Variants in ERICH2 observed in about 807,000 individuals in gnomAD.
The protein encoded by ERICH2 is glutamate-rich protein 2.
Under a neutral mutation model 17.4 loss-of-function variants are expected in ERICH2, and 17 were observed. The ratio of observed to expected loss-of-function variants is 0.98; its 90% confidence interval spans 0.67 to 1.47. The LOEUF (loss-of-function observed/expected upper bound fraction) is 1.47. Among genes scored for constraint, ERICH2 ranks in the 40% most tolerant of loss-of-function variants. The pLI is 0.00. For missense variants in ERICH2, 186 were observed against 183.2 expected (o/e 1.01, Z -0.09); for synonymous variants, 51 against 61.1 (o/e 0.83, Z 0.77).
chr2:170,772,180 C>A, the ERICH2 span, among the ~76,000 whole-genome samples: 1 of 152,178 alleles, frequency 6.6e-6, no homozygotes, highest in Non-Finnish European at 1.5e-5. Context: ...CTCCAGAATT[C>A]CAGAGCTTTC....
chr2:170,786,900 A>G (rs1701172150), intron 2 of ERICH2, among the ~76,000 whole-genome samples: 1 of 152,186 alleles, frequency 6.6e-6, no homozygotes, highest in African/African-American at 2.4e-5. Context: ...GTTTTTGAGC[A>G]TATGGCATAT....
chr2:170,772,868 A>G, the ERICH2 span, among the ~76,000 whole-genome samples: 7 of 152,380 alleles, frequency 4.6e-5, no homozygotes, highest in East Asian at 1.3e-3. Context: ...TATAAAAACC[A>G]GTAGCACAAA....
the ERICH2 span, among the ~76,000 whole-genome samples, chr2:170,770,414 G>A: frequency 5.3e-5 from 8 of 152,158 alleles, no homozygotes; most frequent in Admixed American, 5.2e-4. Flanking sequence ...GAGGGAACCT[G>A]GGCTGCTCTA....
chr2:170,776,656 G>T, the ERICH2 span, among the ~76,000 whole-genome samples: 1 of 152,136 alleles, frequency 6.6e-6, no homozygotes, highest in Non-Finnish European at 1.5e-5. Context: ...GAGATTACAG[G>T]CTTGAGCCAC....
the ERICH2 span, chr2:170,777,476 A>G: frequency 2.6e-6 from 3 of 1,172,472 alleles, no homozygotes; most frequent in Non-Finnish European, 3.2e-6. Flanking sequence ...ATCTTGTCCT[A>G]AATAGTAAGA....
chr2:170,794,873 C>T (rs1356514813), intron 3 of ERICH2, among the ~76,000 whole-genome samples: 2 of 152,248 alleles, frequency 1.3e-5, no homozygotes, highest in East Asian at 3.8e-4. Flanking sequence ...TTCTTGAATA[C>T]TTCAACACTT....
chr2:170,789,986 T>C (rs922699462), intron 2 of ERICH2, among the ~76,000 whole-genome samples: 2 of 152,110 alleles, frequency 1.3e-5, no homozygotes, highest in Non-Finnish European at 2.9e-5. Flanking sequence ...AATTGGGAAA[T>C]TGGATTTCTT....
At chr2:170,776,708 A>C in the ERICH2 span, among the ~76,000 whole-genome samples, 1 of 152,132 alleles carries the variant, frequency 6.6e-6, no homozygotes, top group East Asian at 1.9e-4. Context: ...TTGTGACACC[A>C]ATAAACTGGA....
At chr2:170,781,667 C>T (rs1701033191), upstream of ERICH2, among the ~76,000 whole-genome samples, 1 of 99,012 alleles carries the variant, frequency 1.0e-5, no homozygotes, top group Admixed American at 9.8e-5. Flanking sequence ...TTTTTTTTCC[C>T]ACAAGCATAG....
the ERICH2 span, chr2:170,770,804 C>G: frequency 6.5e-6 from 1 of 154,528 alleles, no homozygotes; most frequent in African/African-American, 2.4e-5. Context: ...CACCCACAAC[C>G]GCGGGGCTGT....
rs1335136190 is a variant in ERICH2, at chr2:170,791,547, G to A, written c.217-1316G>A. On this transcript the variant is annotated intron_variant, in intron 2 of 4. Coordinates refer to ENST00000409885, the Ensembl canonical transcript of ERICH2. ...TCTACTAAAAAAAAAAAAATTAGCCGGGCGTGGTGGCAGGCGCCTGTAGTC... is the reference window on the plus strand; with the variant it reads ...TCTACTAAAAAAAAAAAAATTAGCCAGGCGTGGTGGCAGGCGCCTGTAGTC... 3.5e-4 allele frequency among the ~76,000 whole-genome samples: 8 copies of A among 22,916 alleles called. No individual in the cohort carries two copies. The South Asian group carries it at 5.0e-3, about 14-fold the overall frequency. 15.0% of individuals were successfully genotyped at this position (22,916 alleles called of 152,430 possible).
intron 2 of ERICH2, among the ~76,000 whole-genome samples, chr2:170,790,590 G>A (rs1225441842): frequency 6.6e-6 from 1 of 152,148 alleles, no homozygotes; most frequent in Admixed American, 6.5e-5. Context: ...TGGCGCCACT[G>A]CACTCCAGCC....
At chr2:170,782,706 T>A (rs1479998273), upstream of ERICH2, among the ~76,000 whole-genome samples, 3 of 152,350 alleles carry the variant, frequency 2.0e-5, no homozygotes, top group East Asian at 5.8e-4. Context: ...AGGCTATGGA[T>A]ACAAAAGTTG....
At chr2:170,777,771 A>C in the ERICH2 span, 1 of 854,178 alleles carries the variant, frequency 1.2e-6, no homozygotes, top group African/African-American at 1.7e-5. Context: ...CACCCAATTA[A>C]ATTTGAAAGG....
At chr2:170,779,523 G>C (rs1700979869), upstream of ERICH2, among the ~76,000 whole-genome samples, 1 of 152,114 alleles carries the variant, frequency 6.6e-6, no homozygotes, top group Admixed American at 6.6e-5. Context: ...ATTGCTTGTA[G>C]TTAACAAACT....
intron 2 of ERICH2, among the ~76,000 whole-genome samples, chr2:170,792,234 G>A (rs903784743): frequency 5.3e-5 from 8 of 151,790 alleles, no homozygotes; most frequent in Admixed American, 4.6e-4. Flanking sequence ...GTTAATTTAT[G>A]GAAAATAATA....
the ERICH2 span, among the ~76,000 whole-genome samples, chr2:170,770,457 A>C: frequency 1.3e-5 from 2 of 151,986 alleles, no homozygotes. Flanking sequence ...GGTTCTAATC[A>C]CTTGAATCTG....
Position 170,784,852 on chromosome 2 carries a change from T to C in ERICH2, c.216+19T>C. The C allele has an allele frequency of 7.1e-7, 1 of 1,407,276 alleles. No individual in the cohort carries two copies. The highest frequency in any genetic ancestry group is 2.6e-5 in the East Asian group (1 of 37,818). The allele number at this position is 1,407,276 out of a possible 1,614,324, so 87.2% of individuals were successfully genotyped here. A position where few individuals can be genotyped will look rare whatever the true frequency, so the allele number is the denominator to read the frequency against. ...GGCAGAAGTAAGTTTTACTTGTGCA[T>C]ATAATTGAAGAAACTTTAAAATATT... On this transcript the variant is annotated intron_variant, in intron 2 of 4. Transcript: ENST00000409885.
chr2:170,770,987 GCCCCCGCCACCT>G, the ERICH2 span: 5 of 7,670 alleles, frequency 6.5e-4, no homozygotes, highest in African/African-American at 1.0e-3. Flanking sequence ...CCCCGCCCCC[GCCCCCGCCACCT>G]CCCCCGCCGT....
Sources: gnomAD v4.1 joint callset for allele counts (sites outside exome capture counted in the v4.1 genomes callset) on GRCh38, gnomAD v4.1.1 for gene constraint, MANE v1.5 for transcripts, NCBI Gene and HGNC (gene_info 2026-07-23, HGNC 2026-07-21) for gene names.